Variants in RPL18 observed in about 807,000 individuals in gnomAD.
RPL18 encodes ribosomal protein L18, also known as large ribosomal subunit protein eL18.
Under a neutral mutation model 25.0 loss-of-function variants are expected in RPL18, and 4 were observed. The ratio of observed to expected loss-of-function variants is 0.16; its 90% CI spans 0.08 to 0.37. The LOEUF is 0.37. RPL18 is among the 10% of genes least tolerant of loss of function. RPL18 has a pLI of 1.00. For synonymous variants in RPL18, 129 were observed against 101.6 expected (o/e 1.27, Z -1.62); for missense variants, 179 against 267.9 (o/e 0.67, Z 2.32).
intron 4 of RPL18, 170 bp from the exon 5 acceptor site, chr19:48,616,372 T>C: frequency 1.3e-6 from 1 of 750,052 alleles, no homozygotes; most frequent in South Asian, 1.8e-5. Flanking sequence ...TTCCGGAACT[T>C]TCACCACCAC....
At chr19:48,617,098 C>G in intron 3 of RPL18, 1 of 706,150 alleles carries the variant, frequency 1.4e-6, no homozygotes, top group Admixed American at 2.0e-5. Flanking sequence ...ACCAGGACAC[C>G]TCCACCTCAC....
intron 1 of RPL18, chr19:48,618,931 T>C (rs2147661182): frequency 8.6e-6 from 5 of 583,178 alleles, no homozygotes; most frequent in South Asian, 6.3e-5. Context: ...AGCCTCCGAG[T>C]ACCTCCACTT....
chr19:48,616,424 C>A, intron 4 of RPL18: 2 of 646,526 alleles, frequency 3.1e-6, no homozygotes, highest in Non-Finnish European at 2.7e-6. Context: ...GGAAGCTGGG[C>A]CAAAAAAAGA....
chr19:48,617,599 T>G lies in RPL18; in HGVS notation c.91-176A>C, dbSNP rs578097591. ...CCTTCCTGGCCAAGGACCTAGAAAA[T>G]CCTGGCTCCACTCCCGAGCTGTACA... On this transcript the variant is annotated intron_variant, in intron 2 of 6. Coordinates refer to ENST00000549920, the MANE Select transcript of RPL18 (RefSeq NM_000979.4). 2.2e-5 allele frequency: 15 copies of G among 686,338 alleles called. No individual in the cohort carries two copies. In the South Asian group the frequency reaches 2.8e-4, roughly 13 times the overall value. 42.5% of individuals were successfully genotyped at this position (686,338 alleles called of 1,614,324 possible).
chr19:48,615,696 C>A, intron 6 of RPL18, 181 bp downstream of exon 6: 2 of 668,814 alleles, frequency 3.0e-6, no homozygotes, highest in South Asian at 3.5e-5. Context: ...CTGCTCAGGC[C>A]CTGGAAAACA....
At chr19:48,615,782 G>C in intron 6 of RPL18, 95 bp downstream of exon 6, 1 of 1,112,032 alleles carries the variant, frequency 9.0e-7, no homozygotes, top group Non-Finnish European at 1.3e-6. Flanking sequence ...GGGGCTGGCT[G>C]GTACGAGGGA....
In RPL18 at chr19:48,615,411, A is replaced by C; in HGVS notation, c.528T>G (p.Arg176=). The C allele has an allele frequency of 1.2e-6, 2 of 1,613,218 alleles. No individual in the cohort carries two copies. ...CTCGGCTGGCCCGTCGGCCTCTGGC[A>C]CGCTCGAACTTCCGGCCCTTGGAGC... ...YVRSKGRKFE[R]ARGRRASRGY... The change falls in exon 7 of 7, where the codon CGT becomes CGG. Residue 176 remains arginine (R), a synonymous_variant. Transcript: ENST00000549920.
chr19:48,616,619 A>T (rs1974178796), intron 4 of RPL18, 107 bp downstream of exon 4: 2 of 827,384 alleles, frequency 2.4e-6, no homozygotes, highest in Non-Finnish European at 4.1e-6. Flanking sequence ...TTGCCTCACC[A>T]GCGGTGGCAA....
chr19:48,619,098 G>T (rs1378724556), intron 1 of RPL18, 43 bp downstream of exon 1: 2 of 1,591,398 alleles, frequency 1.3e-6, no homozygotes, highest in Admixed American at 3.6e-5. Flanking sequence ...CACGGCGGAT[G>T]GCAGCGGATT....
rs769334709 is a variant in RPL18, at chr19:48,616,169, T to C, written c.331A>G (p.Ser111Gly). 7 of 1,613,884 alleles carry C rather than the reference T, an allele frequency of 4.3e-6. No individual in the cohort carries two copies. The highest frequency in any genetic ancestry group is 1.1e-5 in the South Asian group (1 of 91,082). ...TTGCCCCCTGCCCTGAGGATGCGGC[T>C]GCGGGCCCGGCTGGTCACGCGCAGT... The part of the protein sequence containing the change: ...CALRVTSRAR[S>G]RILRAGGKIL... The change falls in exon 5 of 7, where the codon AGC becomes GGC. Residue 111 changes from serine (S) to glycine (G), a missense_variant. By Grantham distance (56) the Ser-to-Gly change is moderately conservative. Coordinates refer to ENST00000549920, the MANE Select transcript of RPL18 (RefSeq NM_000979.4).
Position 48,615,351 on chromosome 19 carries a change from A to G in RPL18, c.*21T>C, listed in dbSNP as rs189293719. 3 of 1,586,384 alleles carry G rather than the reference A, an allele frequency of 1.9e-6. No individual in the cohort carries two copies. Among genetic ancestry groups the G allele is most frequent in the Admixed American group, 1.7e-5 (1 of 57,450 alleles). ...AGCACTGTCAGCAAAAATCTTTTTA[A>G]TAAGAGAGTAGGATCCAGGGTTAGT... On this transcript the variant is annotated 3_prime_UTR_variant, in exon 7 of 7. Coordinates refer to ENST00000549920, the MANE Select transcript of RPL18 (RefSeq NM_000979.4).
At chr19:48,616,425 C>A in intron 4 of RPL18, 1 of 643,078 alleles carries the variant, frequency 1.6e-6, no homozygotes. Context: ...GAAGCTGGGC[C>A]AAAAAAAGAC....
In RPL18 at chr19:48,619,057, G is replaced by C. The variant is rs945394150; in HGVS notation, c.3+84C>G. 8.9e-6 allele frequency: 13 copies of C among 1,455,648 alleles called. No individual in the cohort carries two copies. The South Asian group carries it at 1.5e-4, about 16-fold the overall frequency. 90.2% of individuals were successfully genotyped at this position (1,455,648 alleles called of 1,614,324 possible). A position where few individuals can be genotyped will look rare whatever the true frequency, so the allele number is the denominator to read the frequency against. On this transcript the variant is annotated intron_variant, in intron 1 of 6. Coordinates refer to ENST00000549920, the MANE Select transcript of RPL18 (RefSeq NM_000979.4). ...CCCTCCGGGCAGCCGCAGACCCCCT[G>C]CCGCCCTCCAGCGTGCCCCTAGCCC...
At chr19:48,616,026 G>GCTGC in intron 5 of RPL18, 53 bp downstream of exon 5, 1 of 1,613,790 alleles carries the variant, frequency 6.2e-7, no homozygotes, top group Non-Finnish European at 8.5e-7. Flanking sequence ...GAGGGTGAAG[G>GCTGC]CTGCCAGTAG....
At chr19:48,616,492 G>A in intron 4 of RPL18, 1 of 693,036 alleles carries the variant, frequency 1.4e-6, no homozygotes, top group Non-Finnish European at 2.6e-6. Context: ...GGCTCTAGGG[G>A]CCAGCACTAA....
At chr19:48,616,468 A>G in intron 4 of RPL18, 1 of 675,216 alleles carries the variant, frequency 1.5e-6, no homozygotes, top group Non-Finnish European at 2.7e-6. Context: ...TCTAGACTTG[A>G]GCCCAGGCTG....
At chr19:48,618,984 C>T (rs1974284596) in intron 1 of RPL18, 157 bp downstream of exon 1, 1 of 738,412 alleles carries the variant, frequency 1.4e-6, no homozygotes, top group East Asian at 2.7e-5. Flanking sequence ...ACTGACCCAT[C>T]CCTGCTTTCC....
At chr19:48,616,849 G>T (rs200975795) in intron 3 of RPL18, 25 bp from the exon 4 acceptor site, 16 of 1,566,928 alleles carry the variant, frequency 1.0e-5, no homozygotes, top group African/African-American at 1.4e-5. Context: ...GATGTACGTC[G>T]TAAGTTGTTC....
intron 6 of RPL18, 78 bp downstream of exon 6, chr19:48,615,798 GA>G: frequency 1.5e-6 from 2 of 1,299,272 alleles, no homozygotes; most frequent in Non-Finnish European, 2.2e-6. Context: ...AGGGATAGGA[GA>G]AGCAGCCCAA....
Sources: gnomAD v4.1 joint callset for allele counts on GRCh38, gnomAD v4.1.1 for gene constraint, MANE v1.5 for transcripts, NCBI Gene and HGNC (gene_info 2026-07-23, HGNC 2026-07-21) for gene names.